SAMD12: variants seen among roughly 807,000 people sequenced by gnomAD.
SAMD12 encodes the protein sterile alpha motif domain containing 12.
A neutral mutation model predicts 15.0 loss-of-function variants in SAMD12; 9 were observed. That is an observed-to-expected ratio of 0.60 (90% CI 0.36 to 1.05). SAMD12 has a LOEUF of 1.05. Among genes scored for constraint, SAMD12 ranks in the 50% least tolerant of loss-of-function variants. The pLI, the probability that SAMD12 is intolerant of heterozygous loss-of-function variation, is 0.01. For synonymous variants in SAMD12, 86 were observed against 90.1 expected (o/e 0.96, Z 0.25); for missense variants, 230 against 234.2 (o/e 0.98, Z 0.12).
exon 5 of SAMD12, chr8:118,192,618 CCAACCAAA>C (rs1353401135): frequency 7.0e-6 from 1 of 142,916 alleles, no homozygotes; most frequent in Non-Finnish European, 1.5e-5. Context: ...AAATAACCAA[CCAACCAAA>C]CAAACAAACA....
the SAMD12 span, among the ~76,000 whole-genome samples, chr8:118,166,887 C>A: frequency 8.1e-4 from 123 of 152,298 alleles, no homozygotes; most frequent in African/African-American, 2.8e-3. Flanking sequence ...GGAGGCATCT[C>A]TCCCATGCTC....
intron 2 of SAMD12, among the ~76,000 whole-genome samples, chr8:118,550,998 AC>A (rs1477703015): frequency 5.9e-5 from 9 of 151,952 alleles, no homozygotes; most frequent in African/African-American, 2.2e-4. Context: ...ATATATATGC[AC>A]CCAATACAGG....
At chr8:118,179,133 C>T in the SAMD12 span, among the ~76,000 whole-genome samples, 3 of 152,014 alleles carry the variant, frequency 2.0e-5, no homozygotes, top group Non-Finnish European at 2.9e-5. Context: ...AATTATCGGA[C>T]GTGAAAGTAA....
intron 2 of SAMD12, among the ~76,000 whole-genome samples, chr8:118,548,645 C>A (rs1286500331): frequency 6.6e-6 from 1 of 152,232 alleles, no homozygotes; most frequent in Admixed American, 6.5e-5. Context: ...GTACCGGGTT[C>A]ATCTCACTAG....
intron 4 of SAMD12, among the ~76,000 whole-genome samples, chr8:118,239,320 G>A (rs1812514912): frequency 6.6e-6 from 1 of 152,072 alleles, no homozygotes; most frequent in Non-Finnish European, 1.5e-5. Flanking sequence ...CAAGGTTCCT[G>A]TTCTCATGGA....
At chr8:118,506,596 A>T (rs186276751) in intron 2 of SAMD12, among the ~76,000 whole-genome samples, 209 of 152,126 alleles carry the variant, frequency 1.4e-3, no homozygotes, top group Non-Finnish European at 2.3e-3. Context: ...TAAATGGATT[A>T]AAAAAAGTAC....
chr8:118,455,418 T>C (rs1048590215), intron 2 of SAMD12, among the ~76,000 whole-genome samples: 3 of 152,160 alleles, frequency 2.0e-5, no homozygotes, highest in African/African-American at 7.2e-5. Context: ...TAAAATGGTT[T>C]TCTCTCTACC....
chr8:118,263,913 C>G (rs1212744577), intron 4 of SAMD12, among the ~76,000 whole-genome samples: 1 of 152,074 alleles, frequency 6.6e-6, no homozygotes, highest in African/African-American at 2.4e-5. Flanking sequence ...CTAATGCACC[C>G]AACACTCCTC....
At chr8:118,261,103 C>T (rs1001247836) in intron 4 of SAMD12, among the ~76,000 whole-genome samples, 1 of 152,032 alleles carries the variant, frequency 6.6e-6, no homozygotes, top group Non-Finnish European at 1.5e-5. Flanking sequence ...AAATTTTAGT[C>T]TTAAAATTTT....
chr8:118,447,418 T>C (rs1020739298), intron 2 of SAMD12, among the ~76,000 whole-genome samples: 19 of 152,020 alleles, frequency 1.2e-4, no homozygotes, highest in Admixed American at 6.6e-5. Context: ...TTCTCCTGCC[T>C]CAGCCTCCTG....
At chr8:118,207,267 A>C (rs189661143) in intron 4 of SAMD12, among the ~76,000 whole-genome samples, 17 of 152,342 alleles carry the variant, frequency 1.1e-4, no homozygotes, top group African/African-American at 3.8e-4. Context: ...ATCATCTTGT[A>C]CCACATGAAT....
At chr8:118,161,921 AG>A in the SAMD12 span, among the ~76,000 whole-genome samples, 1 of 151,958 alleles carries the variant, frequency 6.6e-6, no homozygotes, top group Non-Finnish European at 1.5e-5. Flanking sequence ...GCACTTTGGG[AG>A]GCCCAGGCGG....
intron 4 of SAMD12, among the ~76,000 whole-genome samples, chr8:118,268,338 T>A (rs991995450): frequency 3.9e-5 from 6 of 152,226 alleles, no homozygotes; most frequent in African/African-American, 1.4e-4. Context: ...CAGCACTGAC[T>A]ATTTAAATGC....
downstream of SAMD12, among the ~76,000 whole-genome samples, chr8:118,373,510 G>A (rs1819214909): frequency 6.6e-6 from 1 of 152,118 alleles, no homozygotes; most frequent in Non-Finnish European, 1.5e-5. Flanking sequence ...AGAAAGTAGT[G>A]TTTCTAATTT....
At chr8:118,574,334 TAACTAAGTGGC>T (rs1337253284) in intron 2 of SAMD12, among the ~76,000 whole-genome samples, 1 of 152,254 alleles carries the variant, frequency 6.6e-6, no homozygotes, top group Non-Finnish European at 1.5e-5. Context: ...CAAATACTAT[TAACTAAGTGGC>T]TCCAAGCACT....
At chr8:118,361,259 T>C (rs1237303980) in intron 4 of SAMD12, among the ~76,000 whole-genome samples, 2 of 152,186 alleles carry the variant, frequency 1.3e-5, no homozygotes, top group East Asian at 3.8e-4. Context: ...GATTAATTAA[T>C]TCACTAATTT....
chr8:118,563,954 G>A (rs1383435850), intron 2 of SAMD12, among the ~76,000 whole-genome samples: 1 of 152,192 alleles, frequency 6.6e-6, no homozygotes, highest in Non-Finnish European at 1.5e-5. Flanking sequence ...ACTCACAGAA[G>A]TGCACTAATA....
the SAMD12 span, among the ~76,000 whole-genome samples, chr8:118,159,425 T>G: frequency 2.0e-5 from 3 of 152,158 alleles, no homozygotes; most frequent in African/African-American, 7.2e-5. Context: ...CACCACTCTT[T>G]GTCTGGTTTG....
At chr8:118,579,586 T>C (rs1310426106) in intron 2 of SAMD12, among the ~76,000 whole-genome samples, 2 of 152,130 alleles carry the variant, frequency 1.3e-5, no homozygotes, top group Non-Finnish European at 2.9e-5. Flanking sequence ...TTCCAAACTG[T>C]ACATAAAGCA....
Sources: gnomAD v4.1 joint callset for allele counts (sites outside exome capture counted in the v4.1 genomes callset) on GRCh38, gnomAD v4.1.1 for gene constraint, MANE v1.5 for transcripts, NCBI Gene and HGNC (gene_info 2026-07-23, HGNC 2026-07-21) for gene names.